Variants in APBB1 observed in about 807,000 individuals in gnomAD.
APBB1 encodes the protein adaptor protein FE65a2.
APBB1 carries 22 observed loss-of-function variants against 78.4 expected under a neutral mutation model. That is an observed-to-expected ratio of 0.28 (90% CI 0.20 to 0.40). The LOEUF (loss-of-function observed/expected upper bound fraction) is 0.40, where lower values mean the gene tolerates loss of function less well. APBB1 is among the 10% of genes least tolerant of loss of function. APBB1 has a pLI of 1.00. For synonymous variants in APBB1, 369 were observed against 372.7 expected (o/e 0.99, Z 0.12); for missense variants, 749 against 932.4 (o/e 0.80, Z 2.56).
chr11:6,412,404 G>T (rs1270843839), intron 1 of APBB1, among the ~76,000 whole-genome samples: 1 of 152,074 alleles, frequency 6.6e-6, no homozygotes, highest in Non-Finnish European at 1.5e-5. Flanking sequence ...GCCCACTTCG[G>T]CCTCCCAAAG....
chr11:6,415,184 C>T (rs1849088844), intron 1 of APBB1, among the ~76,000 whole-genome samples: 1 of 152,190 alleles, frequency 6.6e-6, no homozygotes, highest in Admixed American at 6.5e-5. Flanking sequence ...CCAAAGGATG[C>T]AAAGAGCCAA....
chr11:6,407,388 C>G (rs1307505297), intron 2 of APBB1, among the ~76,000 whole-genome samples: 3 of 152,184 alleles, frequency 2.0e-5, no homozygotes, highest in Non-Finnish European at 2.9e-5. Context: ...TTGCAGCCCC[C>G]ACAGTGACCA....
chr11:6,419,098 G>C, upstream of APBB1: 1 of 382,204 alleles, frequency 2.6e-6, no homozygotes. Flanking sequence ...GCGGGCCGCG[G>C]GGCCGCGCCC....
At chr11:6,407,478 A>G (rs1446460467) in intron 2 of APBB1, among the ~76,000 whole-genome samples, 2 of 152,242 alleles carry the variant, frequency 1.3e-5, no homozygotes, top group Non-Finnish European at 2.9e-5. Flanking sequence ...CCAACCTACA[A>G]CCTGCAGACT....
intron 12 of APBB1, chr11:6,396,578 C>T (rs1004896075): frequency 1.1e-5 from 3 of 270,020 alleles, no homozygotes; most frequent in Non-Finnish European, 2.1e-5. Context: ...ACAATAACTC[C>T]CAAATCAGAC....
At chr11:6,398,594 T>C (rs1057237490) in intron 12 of APBB1, among the ~76,000 whole-genome samples, 1 of 152,088 alleles carries the variant, frequency 6.6e-6, no homozygotes, top group Non-Finnish European at 1.5e-5. Flanking sequence ...GAAGCACATA[T>C]GGGAATGGGG....
Position 6,401,577 on chromosome 11 carries a change from A to T in APBB1, c.1500T>A (p.Ser500=). ...CAGGGAGTGGAGGGGGCCGTGCCTT[A>T]GAGCAGATCTCATGCAGGCTGGTGG... ...NIATSLHEIC[S]KIMAERRNAR... Residue 500 remains serine, a synonymous_variant, in exon 10 of 15, where the codon TCT becomes TCA. Coordinates refer to ENST00000609360, the MANE Select transcript of APBB1 (RefSeq NM_001164.5). The surrounding 1 kb of genome is among the most constrained non-coding windows in gnomAD (Gnocchi z 4.5). The T allele has an allele frequency of 1.2e-6, 2 of 1,614,204 alleles. No individual in the cohort carries two copies. The highest frequency in any genetic ancestry group is 8.5e-7 in the Non-Finnish European group (1 of 1,180,032).
At chr11:6,417,609 G>C (rs1849152705) in intron 1 of APBB1, among the ~76,000 whole-genome samples, 1 of 152,232 alleles carries the variant, frequency 6.6e-6, no homozygotes. Flanking sequence ...CAGTTAAAGG[G>C]AGGTAGGCAA....
chr11:6,397,120 C>A (rs1388156347), intron 12 of APBB1, among the ~76,000 whole-genome samples: 1 of 152,210 alleles, frequency 6.6e-6, no homozygotes, highest in Non-Finnish European at 1.5e-5. Context: ...CAGTTCTAGT[C>A]CCCACACTCA....
intron 1 of APBB1, among the ~76,000 whole-genome samples, chr11:6,413,683 C>T (rs913184789): frequency 6.6e-6 from 1 of 151,606 alleles, no homozygotes; most frequent in Admixed American, 6.6e-5. Flanking sequence ...GTTGGCCAGG[C>T]TGGTCTCAAA....
chr11:6,404,886 T>C (rs1848729431), intron 2 of APBB1: 2 of 1,508,792 alleles, frequency 1.3e-6, no homozygotes, highest in African/African-American at 2.8e-5. Flanking sequence ...GGTGCTGGGC[T>C]GCAGAGAAAA....
At chr11:6,417,761 C>A (rs539188867) in intron 1 of APBB1, among the ~76,000 whole-genome samples, 111 of 152,164 alleles carry the variant, frequency 7.3e-4, no homozygotes, top group Admixed American at 2.9e-3. Context: ...AAATGAGATG[C>A]AGAGAGTGAG....
Position 6,410,717 on chromosome 11 carries a change from C to T in APBB1, c.631G>A (p.Gly211Ser). 10 of 1,553,996 alleles carry T rather than the reference C, an allele frequency of 6.4e-6. No homozygotes were observed. The highest frequency in any genetic ancestry group is 5.2e-6 in the Non-Finnish European group (6 of 1,150,554). The change falls in exon 2 of 15, where the codon GGC becomes AGC. Residue 211 changes from glycine to serine, a missense_variant. Gly to Ser is a moderately conservative substitution (Grantham distance 56, BLOSUM62 0). Transcript: ENST00000609360. ...TCACTGGCTGCACTGTTCCGCATGC[C>T]AAACAGGAGGCTGGCACTCTTGCTG... Reference protein sequence around the residue: ...EHSKSASLLFGMRNSAASDED... With the variant: ...EHSKSASLLFSMRNSAASDED...
chr11:6,408,133 A>G (rs1848864130), intron 2 of APBB1, among the ~76,000 whole-genome samples: 2 of 152,212 alleles, frequency 1.3e-5, no homozygotes, highest in Admixed American at 6.5e-5. Flanking sequence ...CAAAACACAA[A>G]AATGCTCAAA....
Position 6,395,351 on chromosome 11 carries a change from T to G in APBB1, c.*183A>C. 1.7e-6 allele frequency: 1 copy of G among 576,404 alleles called. No individual in the cohort carries two copies. The highest frequency in any genetic ancestry group is 2.8e-6 in the Non-Finnish European group (1 of 354,768). 35.7% of individuals were successfully genotyped at this position (576,404 alleles called of 1,614,324 possible). ...TCCTCTTGTTACCACTCCAGTGTTA[T>G]CACTTCCTTGAAGGGATTAGATCTC... On this transcript the variant is annotated 3_prime_UTR_variant, in exon 15 of 15. Transcript: ENST00000609360. The surrounding 1 kb of genome is among the most constrained non-coding windows in gnomAD (Gnocchi z 5.2).
chr11:6,402,906 A>C lies in APBB1; in HGVS notation c.1105-181T>G. The C allele has an allele frequency of 7.2e-6, 6 of 831,666 alleles. No homozygotes were observed. In the South Asian group the frequency reaches 1.1e-4, roughly 15 times the overall value. The allele number at this position is 831,666 out of a possible 1,614,324, so 51.5% of individuals were successfully genotyped here. On this transcript the variant is annotated intron_variant, in intron 6 of 14. Coordinates refer to ENST00000609360, the MANE Select transcript of APBB1 (RefSeq NM_001164.5). ...TGAGGGAGATGTCAGATGAGACCCC[A>C]GCTAGTACAAAAAAGCACCTGAACT... is the stretch of plus-strand genomic sequence containing the variant.
At chr11:6,417,800 G>T (rs1455561925) in intron 1 of APBB1, among the ~76,000 whole-genome samples, 1 of 152,248 alleles carries the variant, frequency 6.6e-6, no homozygotes, top group Non-Finnish European at 1.5e-5. Flanking sequence ...TCTTGCTCAT[G>T]ACTCCAGATT....
At chr11:6,400,726 GGAT>G (rs1485196752) in intron 12 of APBB1, among the ~76,000 whole-genome samples, 1 of 152,138 alleles carries the variant, frequency 6.6e-6, no homozygotes, top group East Asian at 1.9e-4. Context: ...CTTTTCCATG[GGAT>G]GAAGGAGTGG....
chr11:6,411,227 G>A lies in APBB1; in HGVS notation c.121C>T (p.Gln41Ter). The A allele has an allele frequency of 6.2e-7, 1 of 1,607,206 alleles. No homozygotes were observed. Residue 41 changes from glutamine (Q) to a stop codon, truncating the protein, a stop_gained, in exon 2 of 15, where the codon CAG (glutamine) becomes TAG (stop). Coordinates refer to ENST00000609360, the MANE Select transcript of APBB1 (RefSeq NM_001164.5). LOFTEE classifies it high-confidence loss of function. This position sits in a 1 kb window ranked among gnomAD's most constrained non-coding sequence, Gnocchi z 5.2. ...AHNQLLNAKL[Q>*]ATAVGPKDLR... The stretch of plus-strand genomic sequence containing the variant: ...TCCTTGGGTCCCACAGCTGTGGCCT[G>A]CAGCTTGGCGTTGAGCAGCTGGTTG...
Sources: allele counts gnomAD v4.1 joint callset (sites outside exome capture counted in the v4.1 genomes callset), GRCh38; gene constraint gnomAD v4.1.1; non-coding constraint Gnocchi (gnomAD v3.1); transcripts MANE v1.5; gene names NCBI Gene and HGNC (gene_info 2026-07-23, HGNC 2026-07-21).